Variants in CEP131 observed in about 807,000 individuals in gnomAD.
CEP131 encodes centrosomal protein of 131 kDa.
CEP131 carries 99 observed loss-of-function variants against 136.8 expected under a neutral mutation model. The ratio of observed to expected loss-of-function variants is 0.72; its 90% CI spans 0.62 to 0.86. The LOEUF (loss-of-function observed/expected upper bound fraction) is 0.86, where lower values mean the gene tolerates loss of function less well. CEP131 is among the 40% of genes least tolerant of loss of function. CEP131 has a pLI of 0.00. For missense variants in CEP131, 1,459 were observed against 1,463.0 expected (o/e 1.00, Z 0.04); for synonymous variants, 646 against 612.7 (o/e 1.05, Z -0.80).
At chr17:81,200,215 G>C (rs2061859254) in intron 8 of CEP131, 114 bp downstream of exon 8, 2 of 823,098 alleles carry the variant, frequency 2.4e-6, no homozygotes, top group Middle Eastern at 2.4e-4. Context: ...CCCAGAGACG[G>C]GGCCCACGAG....
chr17:81,199,649 C>T lies in CEP131; in HGVS notation c.1023+70G>A, dbSNP rs2061845652. On this transcript the variant is annotated intron_variant, in intron 9 of 25. Coordinates refer to ENST00000450824, the MANE Select transcript of CEP131 (RefSeq NM_014984.4). ...GCTAAGTGTCCCGGGGCCCAGGGAG[C>T]CCCAGCAGCAGCCCCGCACGGTCAG... 29 of 1,596,876 alleles carry T rather than the reference C, an allele frequency of 1.8e-5. 1 individual carries two copies. The South Asian group carries it at 3.2e-4, about 18-fold the overall frequency.
intron 2 of CEP131, among the ~76,000 whole-genome samples, chr17:81,216,567 C>A (rs552628652): frequency 1.3e-5 from 2 of 152,278 alleles, no homozygotes; most frequent in African/African-American, 4.8e-5. Context: ...GAGCCCCACG[C>A]AGCTGACGGA....
At position 81,202,411 on chromosome 17, in the gene CEP131, AAGAAAAC is replaced by A; in HGVS notation, c.630-20_630-14del. 1 of 1,611,464 alleles carries A rather than the reference AAGAAAAC, an allele frequency of 6.2e-7. No homozygotes were observed. The highest frequency in any genetic ancestry group is 8.5e-7 in the Non-Finnish European group (1 of 1,179,388). On this transcript the variant is annotated splice_polypyrimidine_tract_variant and intron_variant, in intron 6 of 25. Transcript: ENST00000450824. The stretch of plus-strand genomic sequence containing the variant: ...CTTGATGATGTTGCTGACAGGTAAG[AAGAAAAC>A]ACCCTCGTCTCACCGCCCAGGGGAA...
At position 81,199,850 on chromosome 17, in the gene CEP131, G is replaced by A. The variant is rs376827774; in HGVS notation, c.907-15C>T. 89 of 1,608,548 alleles carry A rather than the reference G, an allele frequency of 5.5e-5. No homozygotes were observed. The highest frequency in any genetic ancestry group is 6.5e-5 in the Non-Finnish European group (77 of 1,179,136). On this transcript the variant is annotated splice_polypyrimidine_tract_variant and intron_variant, in intron 8 of 25. Coordinates refer to ENST00000450824, the MANE Select transcript of CEP131 (RefSeq NM_014984.4). ...TGCCGCTGCTCCTGCCAAAGAAGCC[G>A]GTGCCATGTGGCGTTTACATCTGGA...
chr17:81,199,622 A>T, intron 9 of CEP131, 73 bp from the exon 10 acceptor site: 1 of 1,594,022 alleles, frequency 6.3e-7, no homozygotes, highest in Non-Finnish European at 8.5e-7. Context: ...AGCTGCCCTG[A>T]GGCTAAGTGT....
intron 17 of CEP131, 144 bp from the exon 18 acceptor site, chr17:81,194,271 A>G: frequency 1.3e-6 from 1 of 744,870 alleles, no homozygotes; most frequent in Non-Finnish European, 2.0e-6. Flanking sequence ...AGCACAGCTG[A>G]GTCTTGACGC....
At chr17:81,197,927 A>C (rs753986304) in intron 12 of CEP131, 39 bp from the exon 13 acceptor site, 8 of 1,592,380 alleles carry the variant, frequency 5.0e-6, no homozygotes, top group Non-Finnish European at 6.9e-6. Context: ...CTGTCAGGGC[A>C]GCCTGAGGAC....
chr17:81,193,117 GCCC>G (rs1044005844), intron 18 of CEP131, among the ~76,000 whole-genome samples: 1 of 152,226 alleles, frequency 6.6e-6, no homozygotes, highest in African/African-American at 2.4e-5. Flanking sequence ...CCGCGTCCAG[GCCC>G]CCTTTTCCCT....
At chr17:81,210,636 C>T (rs1346933049) in intron 2 of CEP131, among the ~76,000 whole-genome samples, 2 of 152,194 alleles carry the variant, frequency 1.3e-5, no homozygotes, top group South Asian at 2.1e-4. Context: ...CAGTGGGAAA[C>T]GGTCTGGGGA....
chr17:81,194,780 T>C, intron 17 of CEP131, 90 bp downstream of exon 17: 2 of 1,072,958 alleles, frequency 1.9e-6, no homozygotes, highest in Non-Finnish European at 2.9e-6. Flanking sequence ...TCGGACTACA[T>C]GAATGCCTGA....
chr17:81,207,899 T>TAC (rs1384279803), intron 3 of CEP131, among the ~76,000 whole-genome samples: 1 of 1,298 alleles, frequency 7.7e-4, no homozygotes. Context: ...CACACACACA[T>TAC]ACACCACACA....
At chr17:81,198,055 T>C (rs2061804913) in intron 12 of CEP131, 60 bp downstream of exon 12, 1 of 1,499,710 alleles carries the variant, frequency 6.7e-7, no homozygotes. Flanking sequence ...AGCCACCGCA[T>C]GCTCTGTGTG....
chr17:81,196,261 GC>G (rs2061753108), intron 15 of CEP131, among the ~76,000 whole-genome samples: 1 of 152,230 alleles, frequency 6.6e-6, no homozygotes, highest in Non-Finnish European at 1.5e-5. Context: ...CCATCACCCA[GC>G]CCTGGAGGAG....
chr17:81,200,005 T>A, intron 8 of CEP131, 170 bp from the exon 9 acceptor site: 1 of 696,084 alleles, frequency 1.4e-6, no homozygotes. Context: ...TTCTCTGCTC[T>A]ACAGAGGATG....
At chr17:81,192,270 C>T (rs753881831) in intron 21 of CEP131, 48 bp downstream of exon 21, 30 of 1,524,424 alleles carry the variant, frequency 2.0e-5, no homozygotes, top group East Asian at 1.2e-4. Context: ...CTCCTGCCCA[C>T]GCAGGGCAGC....
Position 81,189,785 on chromosome 17 carries a change from G to A in CEP131, c.3227C>T (p.Thr1076Met), listed in dbSNP as rs759624419. 56 of 1,606,546 alleles carry A rather than the reference G, an allele frequency of 3.5e-5. No homozygotes were observed. The highest frequency in any genetic ancestry group is 1.8e-4 in the Middle Eastern group (1 of 5,518). The change falls in exon 26 of 26, where the codon ACG (threonine) becomes ATG (methionine). Residue 1076 changes from threonine (T) to methionine (M), a missense_variant. Physicochemically the swap from Thr to Met is moderately conservative, Grantham distance 81 (BLOSUM62 -1). Around this residue, in one of 3 missense-constraint regions of CEP131, gnomAD observed 1,026 missense variants for 964.2 expected, o/e 1.06. Transcript: ENST00000450824. Reference protein sequence around the residue: ...EELLEQHRRPTPSTK With the variant: ...EELLEQHRRPMPSTK The stretch of plus-strand genomic sequence containing the variant: ...CATCCCTGGTCACTTGGTACTTGGC[G>A]TGGGCCTCCTGTGCTGCTCCAGCAG...
chr17:81,190,463 G>A (rs1206684705), intron 24 of CEP131, among the ~76,000 whole-genome samples, 176 bp downstream of exon 24: 1 of 152,202 alleles, frequency 6.6e-6, no homozygotes, highest in African/African-American at 2.4e-5. Flanking sequence ...GAGGAAAACA[G>A]ATCTAGGTCT....
chr17:81,196,555 T>C (rs2061758795), intron 15 of CEP131, 146 bp downstream of exon 15: 1 of 1,279,642 alleles, frequency 7.8e-7, no homozygotes, highest in Non-Finnish European at 1.0e-6. Context: ...GGGAATGGCA[T>C]GGGAAAGGCT....
chr17:81,219,821 C>T lies in CEP131; in HGVS notation c.177+59G>A. The stretch of plus-strand genomic sequence containing the variant: ...GGAGCTGGACCCAGGGGTCAGATGC[C>T]AACTGAACAACAGCCCTCCAGGAGG... On this transcript the variant is annotated intron_variant, in intron 2 of 25. Coordinates refer to ENST00000450824, the MANE Select transcript of CEP131 (RefSeq NM_014984.4). This position sits in a 1 kb window ranked among gnomAD's most constrained non-coding sequence, Gnocchi z 4.0. 2 of 1,472,974 alleles carry T rather than the reference C, an allele frequency of 1.4e-6. No individual in the cohort carries two copies. Among genetic ancestry groups the T allele is most frequent in the Non-Finnish European group, 1.8e-6 (2 of 1,102,246 alleles). 91.2% of individuals were successfully genotyped at this position (1,472,974 alleles called of 1,614,324 possible). A position where few individuals can be genotyped will look rare whatever the true frequency, so the allele number is the denominator to read the frequency against.
Sources: gnomAD v4.1 joint callset for allele counts (sites outside exome capture counted in the v4.1 genomes callset) on GRCh38, gnomAD v4.1.1 for gene constraint, gnomAD v4.1.1 regional missense constraint, Gnocchi (gnomAD v3.1) non-coding constraint, MANE v1.5 for transcripts, NCBI Gene and HGNC (gene_info 2026-07-23, HGNC 2026-07-21) for gene names.